TMEM108: variants seen among roughly 807,000 people sequenced by gnomAD.
The protein encoded by TMEM108 is cancer/testis antigen 124.
In TMEM108, 12 loss-of-function variants were observed where a neutral mutation model predicts 35.1. The observed-to-expected ratio is 0.34, with a 90% CI of 0.22 to 0.55. The LOEUF (loss-of-function observed/expected upper bound fraction) is 0.55. TMEM108 is among the 20% of genes least tolerant of loss of function. TMEM108 has a pLI of 0.89. For synonymous variants in TMEM108, 287 were observed against 308.6 expected, an observed-to-expected ratio of 0.93 and a Z score of 0.73; for missense variants, 680 against 753.3, an observed-to-expected ratio of 0.90 and a Z score of 1.14.
At chr3:133,094,178 C>T (rs1559830296) in intron 2 of TMEM108, among the ~76,000 whole-genome samples, 1 of 151,638 alleles carries the variant, frequency 6.6e-6, no homozygotes, top group African/African-American at 2.4e-5. Context: ...TTCTGATGAA[C>T]CTCAATGTGA....
intron 2 of TMEM108, among the ~76,000 whole-genome samples, chr3:133,165,757 A>G (rs1002354831): frequency 9.2e-5 from 14 of 152,244 alleles, no homozygotes; most frequent in Non-Finnish European, 1.5e-4. Flanking sequence ...CAGGTTGGCT[A>G]AACATACATG....
At chr3:133,351,971 G>A (rs971922276) in intron 3 of TMEM108, among the ~76,000 whole-genome samples, 2 of 152,156 alleles carry the variant, frequency 1.3e-5, no homozygotes, top group African/African-American at 4.8e-5. Context: ...AAGCAAGGTT[G>A]AGAACTACTT....
intron 3 of TMEM108, among the ~76,000 whole-genome samples, chr3:133,294,980 G>A (rs1947122800): frequency 6.6e-6 from 1 of 152,086 alleles, no homozygotes; most frequent in Non-Finnish European, 1.5e-5. Context: ...AAAAGTACTT[G>A]GGGTTTATCT....
chr3:133,310,781 A>G (rs1055271187), intron 3 of TMEM108, among the ~76,000 whole-genome samples: 1 of 151,854 alleles, frequency 6.6e-6, no homozygotes, highest in Non-Finnish European at 1.5e-5. Flanking sequence ...TTTGCTGGTT[A>G]TTTTGCCCGT....
At chr3:133,232,640 T>G (rs1285496119) in intron 3 of TMEM108, among the ~76,000 whole-genome samples, 1 of 152,228 alleles carries the variant, frequency 6.6e-6, no homozygotes, top group Non-Finnish European at 1.5e-5. Context: ...TCACTGAGGC[T>G]TGTATGTGCC....
intron 2 of TMEM108, among the ~76,000 whole-genome samples, chr3:133,203,617 A>T (rs896884453): frequency 7.9e-5 from 12 of 152,150 alleles, no homozygotes; most frequent in African/African-American, 2.9e-4. Flanking sequence ...GCATATGTTG[A>T]ACCAGCCTTG....
At chr3:133,115,855 C>T (rs1311204450) in intron 2 of TMEM108, among the ~76,000 whole-genome samples, 3 of 152,216 alleles carry the variant, frequency 2.0e-5, no homozygotes, top group Non-Finnish European at 4.4e-5. Context: ...TCACTTTTGA[C>T]TGTAGAGTCA....
At chr3:133,263,611 A>G (rs1168934957) in intron 3 of TMEM108, among the ~76,000 whole-genome samples, 1 of 152,200 alleles carries the variant, frequency 6.6e-6, no homozygotes, top group Non-Finnish European at 1.5e-5. Flanking sequence ...TTTACCATTC[A>G]TGTCAACCCC....
intron 3 of TMEM108, among the ~76,000 whole-genome samples, chr3:133,370,871 A>AGGGTGTGTGTGTGT (rs2072641355): frequency 8.0e-6 from 1 of 125,466 alleles, no homozygotes; most frequent in African/African-American, 3.0e-5. Context: ...CCCAGCCCAT[A>AGGGTGTGTGTGTGT]GTGTGTGTGT....
intron 3 of TMEM108, chr3:133,378,441 G>C (rs532382046): frequency 1.0e-6 from 1 of 985,450 alleles, no homozygotes; most frequent in South Asian, 4.7e-5. Flanking sequence ...CGCTCTGAGA[G>C]AGTAATTAGA....
intron 3 of TMEM108, among the ~76,000 whole-genome samples, chr3:133,275,931 T>A (rs1946833051): frequency 6.6e-6 from 1 of 152,224 alleles, no homozygotes; most frequent in Non-Finnish European, 1.5e-5. Flanking sequence ...TTGCTTTATT[T>A]GTCAAAAATT....
intron 3 of TMEM108, among the ~76,000 whole-genome samples, chr3:133,266,842 G>T (rs1191314375): frequency 6.6e-6 from 1 of 151,472 alleles, no homozygotes; most frequent in African/African-American, 2.4e-5. Flanking sequence ...GGAGGCTGAG[G>T]CGGGTGGATC....
intron 2 of TMEM108, among the ~76,000 whole-genome samples, chr3:133,096,708 G>C (rs935782124): frequency 1.3e-5 from 2 of 152,160 alleles, no homozygotes; most frequent in Admixed American, 1.3e-4. Context: ...GTGGGTGCTT[G>C]ATCTTTTATT....
chr3:133,392,518 G>A (rs2073249689), intron 5 of TMEM108, among the ~76,000 whole-genome samples: 1 of 152,050 alleles, frequency 6.6e-6, no homozygotes, highest in Non-Finnish European at 1.5e-5. Context: ...CTGCACTAGA[G>A]AGTCCAGATT....
chr3:133,185,215 C>T (rs1296512851), intron 2 of TMEM108, among the ~76,000 whole-genome samples: 1 of 152,130 alleles, frequency 6.6e-6, no homozygotes, highest in Non-Finnish European at 1.5e-5. Context: ...CTTCCTGCCA[C>T]AAATTCTCCA....
In TMEM108 at chr3:133,348,764, G is replaced by A. The variant is rs2071897662; in HGVS notation, c.41-30988G>A. Among the ~76,000 whole-genome samples, 5 of 152,126 alleles carry A rather than the reference G, an allele frequency of 3.3e-5. No homozygotes were observed. The South Asian group carries it at 8.3e-4, about 25-fold the overall frequency. The stretch of plus-strand genomic sequence containing the variant: ...CAGCATCCAACAGTCCAAGAAATTC[G>A]GGAATGAGAGCCTAAGTCTTCAAGA... On this transcript the variant is annotated intron_variant, in intron 3 of 5. Transcript: ENST00000321871.
intron 3 of TMEM108, among the ~76,000 whole-genome samples, chr3:133,319,971 A>G (rs527389935): frequency 6.6e-6 from 1 of 152,310 alleles, no homozygotes; most frequent in South Asian, 2.1e-4. Flanking sequence ...AGACAATATG[A>G]CAAAACAAGG....
intron 3 of TMEM108, among the ~76,000 whole-genome samples, chr3:133,357,633 G>A (rs925337253): frequency 6.6e-5 from 10 of 152,186 alleles, no homozygotes; most frequent in African/African-American, 2.4e-4. Context: ...GCAGCAACTT[G>A]GATGGAGCTG....
At chr3:133,050,242 T>C (rs540014452) in intron 2 of TMEM108, among the ~76,000 whole-genome samples, 18 of 152,318 alleles carry the variant, frequency 1.2e-4, no homozygotes, top group African/African-American at 4.3e-4. Flanking sequence ...ACTTGATCCC[T>C]GAATAGTCTT....
Sources: allele counts gnomAD v4.1 joint callset (sites outside exome capture counted in the v4.1 genomes callset), GRCh38; gene constraint gnomAD v4.1.1; transcripts MANE v1.5; gene names NCBI Gene and HGNC (gene_info 2026-07-23, HGNC 2026-07-21).